CRYBG2: variants seen among roughly 807,000 people sequenced by gnomAD.
CRYBG2 encodes crystallin beta-gamma domain containing 2.
A neutral mutation model predicts 153.4 loss-of-function variants in CRYBG2; 106 were observed. That is an observed-to-expected ratio of 0.69 (90% CI 0.59 to 0.81). The LOEUF is 0.81. Among genes scored for constraint, CRYBG2 ranks in the 30% least tolerant of loss-of-function variants. CRYBG2 has a pLI of 0.00. For synonymous variants in CRYBG2, 851 were observed against 877.8 expected (o/e 0.97, Z 0.54); for missense variants, 1,996 against 2,112.0 (o/e 0.95, Z 1.08).
Position 26,344,355 on chromosome 1 carries a change from A to G in CRYBG2, c.2303T>C (p.Leu768Pro). 6.6e-7 allele frequency: 1 copy of G among 1,508,126 alleles called. No homozygotes were observed. The allele number at this position is 1,508,126 out of a possible 1,614,324, so 93.4% of individuals were successfully genotyped here. The change falls in exon 2 of 20, where the codon CTG (leucine) becomes CCG (proline). Residue 768 changes from leucine (L) to proline (P), a missense_variant. Physicochemically the swap from Leu to Pro is moderately conservative, Grantham distance 98. Transcript: ENST00000308182. ...VALAADLEIF[L>P]DTLRSMEPPE... ...GGGCTCCATGCTCCGCAGCGTATCC[A>G]GGAATATCTCCAGGTCAGCGGCCAG...
Position 26,343,019 on chromosome 1 carries a change from A to G in CRYBG2, c.3074+28T>C, listed in dbSNP as rs2074151119. 6.5e-7 allele frequency: 1 copy of G among 1,539,084 alleles called. No individual in the cohort carries two copies. ...CTGCATCCCCCCAGGTTCACAGCCA[A>G]GTGCCTTGCTGGGCACTCCCCACTC... On this transcript the variant is annotated intron_variant, in intron 4 of 19. Coordinates refer to ENST00000308182, the MANE Select transcript of CRYBG2 (RefSeq NM_001039775.4). This position sits in a 1 kb window ranked among gnomAD's most constrained non-coding sequence, Gnocchi z 4.1.
chr1:26,332,290 G>A (rs2074005702), intron 14 of CRYBG2, among the ~76,000 whole-genome samples: 1 of 132,708 alleles, frequency 7.5e-6, no homozygotes, highest in South Asian at 2.4e-4. Context: ...CTGGGCAACA[G>A]AGCGAGACTC....
At chr1:26,323,765 C>T (rs750481966) in intron 18 of CRYBG2, among the ~76,000 whole-genome samples, 2 of 152,140 alleles carry the variant, frequency 1.3e-5, no homozygotes, top group African/African-American at 4.8e-5. Context: ...CAGGCATGCA[C>T]CACCACACCC....
chr1:26,332,283 G>A (rs1357688968), intron 14 of CRYBG2, among the ~76,000 whole-genome samples: 8 of 147,512 alleles, frequency 5.4e-5, no homozygotes, highest in Non-Finnish European at 9.0e-5. Context: ...CTCCAGCCTG[G>A]GCAACAGAGC....
At position 26,343,715 on chromosome 1, in the gene CRYBG2, C is replaced by T; in HGVS notation, c.2913+30G>A. 6.9e-7 allele frequency: 1 copy of T among 1,442,062 alleles called. No individual in the cohort carries two copies. The highest frequency in any genetic ancestry group is 2.5e-5 in the East Asian group (1 of 39,894). The allele number at this position is 1,442,062 out of a possible 1,614,324, so 89.3% of individuals were successfully genotyped here. A position where few individuals can be genotyped will look rare whatever the true frequency, so the allele number is the denominator to read the frequency against. On this transcript the variant is annotated intron_variant, in intron 2 of 19. Transcript: ENST00000308182. The surrounding 1 kb of genome is among the most constrained non-coding windows in gnomAD (Gnocchi z 4.1). The stretch of plus-strand genomic sequence containing the variant: ...GCCTTGACCCAGGTGAGGCCAGGCA[C>T]CTCCCTTGCCCACCCGAGGCCTCAC...
At chr1:26,323,079 A>G (rs562122149) in intron 18 of CRYBG2, among the ~76,000 whole-genome samples, 27 of 116,338 alleles carry the variant, frequency 2.3e-4, no homozygotes, top group Admixed American at 7.9e-4. Context: ...GATACTTTCT[A>G]TTCTCCTTTT....
At chr1:26,351,034 G>A (rs950110392) in intron 1 of CRYBG2, among the ~76,000 whole-genome samples, 10 of 152,216 alleles carry the variant, frequency 6.6e-5, no homozygotes, top group African/African-American at 2.2e-4. Flanking sequence ...CTCCAGGACT[G>A]CTGGTGGCTA....
intron 18 of CRYBG2, 73 bp from the exon 19 acceptor site, chr1:26,322,396 C>A: frequency 6.6e-7 from 1 of 1,506,438 alleles, no homozygotes; most frequent in South Asian, 1.2e-5. Flanking sequence ...AACCCTTGAC[C>A]CATCTGCTCT....
At position 26,346,108 on chromosome 1, in the gene CRYBG2, C is replaced by A; in HGVS notation, c.550G>T (p.Val184Leu). 10 of 1,571,358 alleles carry A rather than the reference C, an allele frequency of 6.4e-6. No individual in the cohort carries two copies. The highest frequency in any genetic ancestry group is 1.7e-4 in the Middle Eastern group (1 of 5,958). ...VTRTVRTTTV[V>L]GGHVDRRMSS... The stretch of plus-strand genomic sequence containing the variant: ...ATCCGCCGGTCCACATGACCTCCCA[C>A]CACTGTGGTGGTCCGCACAGTGCGT... Residue 184 changes from valine to leucine, a missense_variant, in exon 2 of 20, where the codon GTG (valine) becomes TTG (leucine). Transcript: ENST00000308182. The surrounding 1 kb of genome is among the most constrained non-coding windows in gnomAD (Gnocchi z 4.9).
intron 17 of CRYBG2, 122 bp downstream of exon 17, chr1:26,328,087 A>G: frequency 7.2e-7 from 1 of 1,385,520 alleles, no homozygotes; most frequent in Non-Finnish European, 9.5e-7. Context: ...CGATGTGGCA[A>G]AAGTTGTGAC....
chr1:26,337,072 T>G, intron 10 of CRYBG2, 92 bp from the exon 11 acceptor site: 1 of 1,571,148 alleles, frequency 6.4e-7, no homozygotes, highest in Non-Finnish European at 8.6e-7. Context: ...ACCCGGGGAA[T>G]TAGGGGTGAG....
chr1:26,337,553 C>T lies in CRYBG2; in HGVS notation c.3629G>A (p.Arg1210Lys), dbSNP rs1191931470. ...GAGTTCTCACCAGCCTCCGAGAACT[C>T]TCAGGGACCCCACAGAGGCCAGGTG... ...SPHLASVGSL[R>K]VLGGCWVGYE... is the part of the protein sequence containing the mutation. Residue 1210 changes from arginine (R) to lysine (K), a missense_variant, in exon 9 of 20, where the codon AGA becomes AAA. Physicochemically the swap from Arg to Lys is conservative, Grantham distance 26. Coordinates refer to ENST00000308182, the MANE Select transcript of CRYBG2 (RefSeq NM_001039775.4). 1 of 1,612,628 alleles carries T rather than the reference C, an allele frequency of 6.2e-7. No individual in the cohort carries two copies. The highest frequency in any genetic ancestry group is 1.1e-5 in the South Asian group (1 of 91,076).
chr1:26,337,293 C>T lies in CRYBG2; in HGVS notation c.3731G>A (p.Gly1244Asp). The change falls in exon 10 of 20, where the codon GGC (glycine) becomes GAC (aspartate). Residue 1244 changes from glycine to aspartate, a missense_variant. Transcript: ENST00000308182. ...GEYPDWSHWG[G>D]YDELLTSLRV... is the part of the protein sequence containing the mutation. ...GAGGGAGGTCAGCAACTCGTCATAG[C>T]CTCCCCAGTGTGACCAGTCTGGGTA... 1 of 1,614,102 alleles carries T rather than the reference C, an allele frequency of 6.2e-7. No individual in the cohort carries two copies. The highest frequency in any genetic ancestry group is 8.5e-7 in the Non-Finnish European group (1 of 1,179,992).
chr1:26,337,901 C>A, intron 8 of CRYBG2, 111 bp downstream of exon 8: 1 of 1,433,570 alleles, frequency 7.0e-7, no homozygotes, highest in Non-Finnish European at 9.5e-7. Flanking sequence ...CCAGACCGTG[C>A]TTCTGGCCCC....
intron 5 of CRYBG2, among the ~76,000 whole-genome samples, chr1:26,340,051 A>C (rs2074111875): frequency 6.6e-6 from 1 of 152,210 alleles, no homozygotes; most frequent in South Asian, 2.1e-4. Context: ...GAGGATGGGC[A>C]AGATGGACAG....
intron 5 of CRYBG2, among the ~76,000 whole-genome samples, chr1:26,341,470 A>G (rs920512412): frequency 6.6e-6 from 1 of 152,076 alleles, no homozygotes; most frequent in African/African-American, 2.4e-5. Context: ...GGTGAAAACA[A>G]TGTTGTTGTT....
chr1:26,335,964 T>G, intron 14 of CRYBG2, 131 bp downstream of exon 14: 1 of 683,098 alleles, frequency 1.5e-6, no homozygotes, highest in Non-Finnish European at 2.3e-6. Flanking sequence ...CCTTATTTTG[T>G]TTTAAAATTG....
In CRYBG2 at chr1:26,344,007, T is replaced by A; in HGVS notation, c.2651A>T (p.Lys884Met). Reference sequence around the variant, plus strand: ...CAATCCCAGCTCTGAGTGGGGGCCCTTGGTTCCTGCTACATGCTTCTTCAT... The same window carrying A: ...CAATCCCAGCTCTGAGTGGGGGCCCATGGTTCCTGCTACATGCTTCTTCAT... ...EMMKKHVAGT[K>M]GPHSELGLEL... The change falls in exon 2 of 20, where the codon AAG becomes ATG. Residue 884 changes from lysine to methionine, a missense_variant. By Grantham distance (95) the Lys-to-Met change is moderately conservative (BLOSUM62 -1). Coordinates refer to ENST00000308182, the MANE Select transcript of CRYBG2 (RefSeq NM_001039775.4). 6.5e-7 allele frequency: 1 copy of A among 1,536,198 alleles called. No individual in the cohort carries two copies.
chr1:26,339,397 A>G lies in CRYBG2; in HGVS notation c.3237T>C (p.Ser1079=), dbSNP rs756144385. ...DYSTPEISLF[S]EEGLKGEQVK... Reference sequence around the variant, plus strand: ...CTTGCTCCCCCTTGAGGCCCTCCTCAGAGAAGAGGCTGATTTCCGGGGTGC... The same window carrying G: ...CTTGCTCCCCCTTGAGGCCCTCCTCGGAGAAGAGGCTGATTTCCGGGGTGC... The change falls in exon 6 of 20, where the codon TCT becomes TCC. Residue 1079 remains serine (S), a synonymous_variant. Transcript: ENST00000308182. The G allele has an allele frequency of 2.5e-6, 4 of 1,614,188 alleles. No individual in the cohort carries two copies. The South Asian group carries it at 4.4e-5, about 18-fold the overall frequency.
Sources: gnomAD v4.1 joint callset for allele counts (sites outside exome capture counted in the v4.1 genomes callset) on GRCh38, gnomAD v4.1.1 for gene constraint, Gnocchi (gnomAD v3.1) non-coding constraint, MANE v1.5 for transcripts, NCBI Gene and HGNC (gene_info 2026-07-23, HGNC 2026-07-21) for gene names.